The following DYSF variants were observed in gnomAD, a reference collection of about 807,000 sequenced individuals.
The protein encoded by DYSF is dystrophy-associated fer-1-like 1.
Under a neutral mutation model 274.9 loss-of-function variants are expected in DYSF, and 212 were observed. The observed-to-expected ratio is 0.77, with a 90% CI of 0.69 to 0.86. DYSF has a LOEUF of 0.86. DYSF is among the 40% of genes least tolerant of loss of function. DYSF has a pLI of 0.00. For missense variants in DYSF, 2,666 were observed against 2,783.2 expected (o/e 0.96, Z 0.95); for synonymous variants, 1,091 against 1,078.7 (o/e 1.01, Z -0.22).
chr2:71,467,737 A>T (rs1037927061), intron 1 of DYSF, among the ~76,000 whole-genome samples: 1 of 152,186 alleles, frequency 6.6e-6, no homozygotes, highest in African/African-American at 2.4e-5. Flanking sequence ...GCAGAGAAAG[A>T]TAAATCAGGA....
intron 22 of DYSF, among the ~76,000 whole-genome samples, 163 bp downstream of exon 22, chr2:71,556,234 G>T (rs781210538): frequency 1.3e-5 from 2 of 152,242 alleles, no homozygotes; most frequent in Non-Finnish European, 2.9e-5. Flanking sequence ...GCCAGTGCAG[G>T]AGTTGAAAAG....
At chr2:71,499,569 TCC>T (rs2152709404) in intron 3 of DYSF, among the ~76,000 whole-genome samples, 1 of 152,338 alleles carries the variant, frequency 6.6e-6, no homozygotes, top group South Asian at 2.1e-4. Context: ...CATGCCTCCT[TCC>T]CTTCTGCCAT....
At chr2:71,534,307 G>A (rs2152759987) in intron 14 of DYSF, among the ~76,000 whole-genome samples, 1 of 152,346 alleles carries the variant, frequency 6.6e-6, no homozygotes, top group East Asian at 1.9e-4. Flanking sequence ...CTGAAACTGA[G>A]TCTTTACCTG....
intron 30 of DYSF, among the ~76,000 whole-genome samples, chr2:71,579,807 C>T (rs1013782452): frequency 6.6e-6 from 1 of 152,204 alleles, no homozygotes; most frequent in Non-Finnish European, 1.5e-5. Flanking sequence ...TGCTCAGTAG[C>T]CACACCTGCC....
intron 1 of DYSF, among the ~76,000 whole-genome samples, chr2:71,479,882 T>C (rs939734467): frequency 6.6e-6 from 1 of 152,162 alleles, no homozygotes; most frequent in Non-Finnish European, 1.5e-5. Flanking sequence ...CCTTGGAGGG[T>C]GAAGTGGATT....
chr2:71,477,955 G>A (rs2082527944), intron 1 of DYSF, among the ~76,000 whole-genome samples: 2 of 151,712 alleles, frequency 1.3e-5, no homozygotes, highest in Admixed American at 1.3e-4. Flanking sequence ...TGAATGCTGA[G>A]GTATTAATAG....
chr2:71,513,389 A>C (rs1293460932), intron 6 of DYSF, 57 bp downstream of exon 6: 1 of 1,518,932 alleles, frequency 6.6e-7, no homozygotes, highest in Non-Finnish European at 8.9e-7. Flanking sequence ...CTGTCTCACT[A>C]GCTGCCATGG....
intron 40 of DYSF, among the ~76,000 whole-genome samples, chr2:71,620,342 T>C (rs1199906212): frequency 6.6e-6 from 1 of 152,218 alleles, no homozygotes; most frequent in Non-Finnish European, 1.5e-5. Context: ...GATAGGACGC[T>C]GACCCAGAGA....
intron 24 of DYSF, among the ~76,000 whole-genome samples, chr2:71,565,557 G>C (rs1199424313): frequency 2.6e-5 from 4 of 152,028 alleles, no homozygotes; most frequent in South Asian, 2.1e-4. Context: ...CCAGGAAGTC[G>C]TTGTTGACTT....
chr2:71,453,772 G>C, exon 1 of DYSF: 1 of 586,540 alleles, frequency 1.7e-6, no homozygotes, highest in Non-Finnish European at 3.1e-6. Context: ...GCTGACAAGC[G>C]GGGTGAGCGC....
chr2:71,532,166 A>T (rs1292659029), intron 14 of DYSF, among the ~76,000 whole-genome samples: 2 of 152,192 alleles, frequency 1.3e-5, no homozygotes, highest in Non-Finnish European at 1.5e-5. Flanking sequence ...AGATGAGTAT[A>T]CCATAACATT....
At chr2:71,572,286 A>G (rs1374849303) in intron 29 of DYSF, among the ~76,000 whole-genome samples, 2 of 149,310 alleles carry the variant, frequency 1.3e-5, no homozygotes, top group Non-Finnish European at 3.0e-5. Context: ...GATCACACCT[A>G]GCACACCCAC....
intron 3 of DYSF, among the ~76,000 whole-genome samples, chr2:71,496,722 A>G (rs78445938): frequency 0.01 from 1,551 of 152,188 alleles, 30 homozygotes; most frequent in African/African-American, 0.034. Flanking sequence ...GTCCTTTACC[A>G]TCTCCAGGAA....
chr2:71,568,826 G>T lies in DYSF; in HGVS notation c.2864+488G>T, dbSNP rs146026592. 6.2e-4 allele frequency among the ~76,000 whole-genome samples: 95 copies of T among 152,060 alleles called. 5 individuals are homozygous for T. In the East Asian group the frequency reaches 0.016, roughly 26 times the overall value. ...TTCTCCCTCCTTGAACTCCCAAAGT[G>T]CTGGGGTTACAGGCTTGAGTCACCA... On this transcript the variant is annotated intron_variant, in intron 26 of 55. Coordinates refer to ENST00000410020, the MANE Select transcript of DYSF (RefSeq NM_001130987.2).
chr2:71,570,156 T>G (rs991171816), intron 27 of DYSF, 73 bp from the exon 28 acceptor site: 1 of 1,391,932 alleles, frequency 7.2e-7, no homozygotes, highest in African/African-American at 1.4e-5. Context: ...GTTGTCAAGT[T>G]GCATCTTTTC....
Position 71,500,649 on chromosome 2 carries a change from A to G in DYSF, c.240-2565A>G, listed in dbSNP as rs114017648. On this transcript the variant is annotated intron_variant, in intron 3 of 55. Transcript: ENST00000410020. ...GGGAGGGCTGGACAACCAGCAAGGG[A>G]GGCAGAGGAGGTCTGGCTTTTCTCG... is the stretch of plus-strand genomic sequence containing the variant. 2.2e-3 allele frequency among the ~76,000 whole-genome samples: 336 copies of G among 152,126 alleles called. 1 individual carries two copies. Among genetic ancestry groups the G allele is most frequent in the African/African-American group, 7.5e-3 (313 of 41,500 alleles).
intron 3 of DYSF, among the ~76,000 whole-genome samples, chr2:71,495,074 TC>T: frequency 1.3e-5 from 2 of 152,302 alleles, no homozygotes; most frequent in East Asian, 3.9e-4. Flanking sequence ...CTATCTAGGT[TC>T]CAGGCACATG....
chr2:71,483,508 G>T (rs542663591), intron 3 of DYSF, among the ~76,000 whole-genome samples: 55 of 152,264 alleles, frequency 3.6e-4, no homozygotes, highest in Admixed American at 1.2e-3. Flanking sequence ...GGGCAGCCAG[G>T]CTCAGGTCTC....
chr2:71,581,273 C>T (rs1432671524), intron 30 of DYSF, among the ~76,000 whole-genome samples: 4 of 152,244 alleles, frequency 2.6e-5, no homozygotes, highest in Non-Finnish European at 4.4e-5. Flanking sequence ...CCTGATTCCA[C>T]CCTCAGCTCC....
Sources: gnomAD v4.1 joint callset for allele counts (sites outside exome capture counted in the v4.1 genomes callset) on GRCh38, gnomAD v4.1.1 for gene constraint, MANE v1.5 for transcripts, NCBI Gene and HGNC (gene_info 2026-07-23, HGNC 2026-07-21) for gene names.